COL12A1: variants seen among roughly 807,000 people sequenced by gnomAD.
COL12A1 encodes the protein collagen alpha-1(XII) chain.
COL12A1 carries 114 observed loss-of-function variants against 349.7 expected under a neutral mutation model. That is an observed-to-expected ratio of 0.33 (90% CI 0.28 to 0.38). The LOEUF is 0.38. Among genes scored for constraint, COL12A1 ranks in the 10% least tolerant of loss-of-function variants. The pLI, the probability that COL12A1 is intolerant of heterozygous loss-of-function variation, is 1.00. For missense variants in COL12A1, 3,284 were observed against 3,756.9 expected (o/e 0.87, Z 3.29); for synonymous variants, 1,369 against 1,329.0 (o/e 1.03, Z -0.66).
At position 75,129,988 on chromosome 6, in the gene COL12A1, C is replaced by G. The variant is rs78654791; in HGVS notation, c.6210+103G>C. On this transcript the variant is annotated intron_variant, in intron 37 of 65. Coordinates refer to ENST00000322507, the MANE Select transcript of COL12A1 (RefSeq NM_004370.6). Reference sequence around the variant, plus strand: ...AGAGAAAATCCTAAAGTGTGACTATCAAGGACTCAACCGTACTCACAGCAT... The same window carrying G: ...AGAGAAAATCCTAAAGTGTGACTATGAAGGACTCAACCGTACTCACAGCAT... The G allele has an allele frequency of 0.033, 43,431 of 1,326,506 alleles. 883 individuals are homozygous for G. Among genetic ancestry groups the G allele is most frequent in the Middle Eastern group, 0.065 (271 of 4,140 alleles). 82.2% of individuals were successfully genotyped at this position (1,326,506 alleles called of 1,614,324 possible).
chr6:75,205,161 T>C (rs962625858), intron 1 of COL12A1, among the ~76,000 whole-genome samples: 1 of 149,454 alleles, frequency 6.7e-6, no homozygotes, highest in East Asian at 2.0e-4. Context: ...GGGGACTTTC[T>C]CCCGGAGCTG....
At chr6:75,107,950 A>G (rs1214917005) in intron 52 of COL12A1, among the ~76,000 whole-genome samples, 2 of 152,222 alleles carry the variant, frequency 1.3e-5, no homozygotes, top group Admixed American at 6.5e-5. Flanking sequence ...TTTTGAATCT[A>G]GAAGAAAATC....
Position 75,151,925 on chromosome 6 carries a change from G to C in COL12A1, c.3942C>G (p.Asp1314Glu), listed in dbSNP as rs570245614. The change falls in exon 20 of 66, where the codon GAC (aspartate) becomes GAG (glutamate). Residue 1314 changes from aspartate to glutamate, a missense_variant. Physicochemically the swap from Asp to Glu is conservative, Grantham distance 45. Coordinates refer to ENST00000322507, the MANE Select transcript of COL12A1 (RefSeq NM_004370.6). ...GVLITDGKSQ[D>E]DVEAPSKKLK... ...GTTTCTTTGAAGGTGCTTCAACATC[G>C]TCTTGTGATTTTCCATCAGTAATGA... is the stretch of plus-strand genomic sequence containing the variant. 6.8e-6 allele frequency: 11 copies of C among 1,613,720 alleles called. No homozygotes were observed. Among genetic ancestry groups the C allele is most frequent in the Admixed American group, 1.7e-5 (1 of 59,972 alleles).
chr6:75,146,729 G>GAGGAAAAAGTTTAC (rs1409346059), intron 23 of COL12A1, among the ~76,000 whole-genome samples: 4 of 152,288 alleles, frequency 2.6e-5, no homozygotes, highest in South Asian at 4.1e-4. Context: ...CCATGAAGCA[G>GAGGAAAAAGTTTAC]AGGAAAAAGT....
At position 75,085,252 on chromosome 6, in the gene COL12A1, C is replaced by T. The variant is rs750893629; in HGVS notation, c.*1295G>A. 1 of 470,826 alleles carries T rather than the reference C, an allele frequency of 2.1e-6. No homozygotes were observed. Among genetic ancestry groups the T allele is most frequent in the South Asian group, 1.5e-5 (1 of 64,568 alleles). 29.2% of individuals were successfully genotyped at this position (470,826 alleles called of 1,614,324 possible). A position where few individuals can be genotyped will look rare whatever the true frequency, so the allele number is the denominator to read the frequency against. On this transcript the variant is annotated 3_prime_UTR_variant, in exon 66 of 66. Coordinates refer to ENST00000322507, the MANE Select transcript of COL12A1 (RefSeq NM_004370.6). ...CGCCGGTGGGGCTCAGGAGGCTCCT[C>T]TGCAGGCTCGTCTGCGCCGTAGTCC... is the stretch of plus-strand genomic sequence containing the variant.
rs750671040 is a variant in COL12A1, at chr6:75,177,697, A to T, written c.2403T>A (p.Gly801=). 6.2e-7 allele frequency: 1 copy of T among 1,614,096 alleles called. No homozygotes were observed. Among genetic ancestry groups the T allele is most frequent in the Admixed American group, 1.7e-5 (1 of 60,016 alleles). The change falls in exon 12 of 66, where the codon GGT becomes GGA. Residue 801 remains glycine (G), a synonymous_variant. Coordinates refer to ENST00000322507, the MANE Select transcript of COL12A1 (RefSeq NM_004370.6). ...SVIPEYFSGP[G]TPLTGNAATE... ...TGGCTGCATTTCCAGTTAATGGAGT[A>T]CCAGGTCCTGAGAAATATTCAGGAA...
chr6:75,125,360 G>T (rs1271838875), intron 39 of COL12A1, 87 bp from the exon 40 acceptor site: 2 of 1,290,604 alleles, frequency 1.5e-6, no homozygotes, highest in Non-Finnish European at 2.1e-6. Context: ...TAGTCAAAGG[G>T]TATTATGAAC....
At position 75,188,487 on chromosome 6, in the gene COL12A1, G is replaced by A; in HGVS notation, c.872C>T (p.Pro291Leu). ...CACATTGAAAACATGGTTCAGTGAA[G>A]GTGTGGAGGCAATTTGTTTGAGTTC... ...AKELKQIAST[P>L]SLNHVFNVAN... Residue 291 changes from proline (P) to leucine (L), a missense_variant, in exon 8 of 66, where the codon CCT (proline) becomes CTT (leucine). Coordinates refer to ENST00000322507, the MANE Select transcript of COL12A1 (RefSeq NM_004370.6). 6.2e-7 allele frequency: 1 copy of A among 1,613,506 alleles called. No individual in the cohort carries two copies. The highest frequency in any genetic ancestry group is 8.5e-7 in the Non-Finnish European group (1 of 1,179,618).
At chr6:75,088,860 G>C (rs551484954) in intron 64 of COL12A1, among the ~76,000 whole-genome samples, 67 of 152,086 alleles carry the variant, frequency 4.4e-4, no homozygotes, top group African/African-American at 1.5e-3. Flanking sequence ...AATTAGCCAG[G>C]CGTGGTGGCG....
At chr6:75,136,098 T>C (rs967267673) in intron 31 of COL12A1, among the ~76,000 whole-genome samples, 1 of 152,082 alleles carries the variant, frequency 6.6e-6, no homozygotes, top group African/African-American at 2.4e-5. Flanking sequence ...TGAAAGACAG[T>C]AAAAGAGACT....
At position 75,117,596 on chromosome 6, in the gene COL12A1, T is replaced by G. The variant is rs115471729; in HGVS notation, c.7355-50A>C. ...AATCACGTATCTCTTTTTCTGTCCT[T>G]GTTGTTAGAACAATGCAAAAAAATT... On this transcript the variant is annotated intron_variant, in intron 46 of 65. Transcript: ENST00000322507. 1,026 of 1,585,360 alleles carry G rather than the reference T, an allele frequency of 6.5e-4. 3 individuals are homozygous for G. In the African/African-American group the frequency reaches 0.01, roughly 15 times the overall value.
At chr6:75,097,836 T>G (rs149566400) in intron 58 of COL12A1, among the ~76,000 whole-genome samples, 1 of 152,304 alleles carries the variant, frequency 6.6e-6, no homozygotes, top group East Asian at 1.9e-4. Context: ...AGAAATTCAT[T>G]TTTCCCTTTG....
Position 75,102,582 on chromosome 6 carries a change from A to G in COL12A1, c.8415+15T>C. 6.7e-7 allele frequency: 1 copy of G among 1,488,990 alleles called. No individual in the cohort carries two copies. Among genetic ancestry groups the G allele is most frequent in the Non-Finnish European group, 8.9e-7 (1 of 1,118,810 alleles). The allele number at this position is 1,488,990 out of a possible 1,614,324, so 92.2% of individuals were successfully genotyped here. On this transcript the variant is annotated intron_variant, in intron 56 of 65. Transcript: ENST00000322507. ...TCCACCACTCTCATTTAATACAGAAAGGCTTTGTGCTTACTTGCTCTCCCG... is the reference window on the plus strand; with the variant it reads ...TCCACCACTCTCATTTAATACAGAAGGGCTTTGTGCTTACTTGCTCTCCCG...
intron 8 of COL12A1, among the ~76,000 whole-genome samples, chr6:75,187,359 C>T (rs1769680650): frequency 6.6e-6 from 1 of 151,744 alleles, no homozygotes; most frequent in African/African-American, 2.4e-5. Context: ...TGTGATGTAG[C>T]CCCAGCCCCC....
At position 75,090,219 on chromosome 6, in the gene COL12A1, C is replaced by T. The variant is rs2149327016; in HGVS notation, c.8832G>A (p.Pro2944=). The T allele has an allele frequency of 2.5e-6, 4 of 1,614,028 alleles. No homozygotes were observed. The highest frequency in any genetic ancestry group is 1.7e-5 in the Admixed American group (1 of 60,020). Reference sequence around the variant, plus strand: ...CGCTACCAGGAGGTCCCGGTGGACCCGGCGGGCCTGGCTGGTTGCGACTGG... The same window carrying T: ...CGCTACCAGGAGGTCCCGGTGGACCTGGCGGGCCTGGCTGGTTGCGACTGG... ...YQSSRNQPGP[P]GPPGPPGSAG... The change falls in exon 63 of 66, where the codon CCG becomes CCA. Residue 2944 remains proline, a synonymous_variant. Transcript: ENST00000322507. This position sits in a 1 kb window ranked among gnomAD's most constrained non-coding sequence, Gnocchi z 4.1.
intron 11 of COL12A1, among the ~76,000 whole-genome samples, chr6:75,178,352 C>G (rs1221648417): frequency 6.6e-6 from 1 of 152,116 alleles, no homozygotes; most frequent in Admixed American, 6.5e-5. Context: ...ACCTAACACC[C>G]AGCTCTACCA....
chr6:75,157,369 A>C (rs1369038680), intron 14 of COL12A1, among the ~76,000 whole-genome samples: 1 of 152,042 alleles, frequency 6.6e-6, no homozygotes, highest in African/African-American at 2.4e-5. Flanking sequence ...TCAGCAAAGA[A>C]TCTTTCCTGA....
At chr6:75,131,285 C>A (rs1383820726) in intron 35 of COL12A1, among the ~76,000 whole-genome samples, 2 of 152,132 alleles carry the variant, frequency 1.3e-5, no homozygotes, top group African/African-American at 2.4e-5. Context: ...CAAAAAACAT[C>A]CTGCATGTTA....
rs1211938215 is a variant in COL12A1, at chr6:75,085,357, C to T, written c.*1190G>A. 10 of 470,722 alleles carry T rather than the reference C, an allele frequency of 2.1e-5. No homozygotes were observed. The highest frequency in any genetic ancestry group is 1.9e-4 in the Admixed American group (8 of 42,558). The allele number at this position is 470,722 out of a possible 1,614,324, so 29.2% of individuals were successfully genotyped here. ...GGCAGGTAGGCCCCGCCCTCGGGCA[C>T]GTAAGGCTCTGTCCGATTCAACATT... is the stretch of plus-strand genomic sequence containing the variant. On this transcript the variant is annotated 3_prime_UTR_variant, in exon 66 of 66. Coordinates refer to ENST00000322507, the MANE Select transcript of COL12A1 (RefSeq NM_004370.6).
Sources: gnomAD v4.1 joint callset for allele counts (sites outside exome capture counted in the v4.1 genomes callset) on GRCh38, gnomAD v4.1.1 for gene constraint, Gnocchi (gnomAD v3.1) non-coding constraint, MANE v1.5 for transcripts, NCBI Gene and HGNC (gene_info 2026-07-23, HGNC 2026-07-21) for gene names.